Variants in STARD13 observed in about 807,000 individuals in gnomAD.
STARD13 encodes the protein stAR-related lipid transfer protein 13.
A neutral mutation model predicts 106.4 loss-of-function variants in STARD13; 62 were observed. That is an observed-to-expected ratio of 0.58 (90% confidence interval 0.48 to 0.72). The LOEUF is 0.72. Ranked by LOEUF, STARD13 falls within the 30% of genes least tolerant of loss-of-function variation. The probability of loss-of-function intolerance (pLI) is 0.00; values close to 1 mark genes in which losing one functional copy is unlikely to be tolerated. For missense variants in STARD13, 1,387 were observed against 1,424.0 expected (o/e 0.97, Z 0.42); for synonymous variants, 565 against 553.0 (o/e 1.02, Z -0.31).
Position 33,323,344 on chromosome 13 carries a change from G to A in STARD13, c.124+26946C>T, listed in dbSNP as rs577092922. The stretch of plus-strand genomic sequence containing the variant: ...CTACCCTCCAGAACTCAGCTCAAAC[G>A]CTATTCCTCAAGGAAGCATTCTCTA... On this transcript the variant is annotated intron_variant, in intron 1 of 5. Coordinates refer to the STARD13 transcript ENST00000567873. Among the ~76,000 whole-genome samples, 157 of 152,204 alleles carry A rather than the reference G, an allele frequency of 1.0e-3. 2 individuals are homozygous for A. Among genetic ancestry groups the A allele is most frequent in the African/African-American group, 3.7e-3 (153 of 41,526 alleles).
At chr13:33,270,324 A>G in intron 1 of STARD13, among the ~76,000 whole-genome samples, 1 of 152,188 alleles carries the variant, frequency 6.6e-6, no homozygotes. Flanking sequence ...TATTCAAGGA[A>G]GAGAAGCAAA....
At chr13:33,634,576 A>T in the STARD13 span, among the ~76,000 whole-genome samples, 153 of 152,318 alleles carry the variant, frequency 1.0e-3, 3 homozygotes, top group East Asian at 0.025. Context: ...TTTTGAAATC[A>T]AAATTCTCCT....
the STARD13 span, among the ~76,000 whole-genome samples, chr13:33,542,092 A>T: frequency 3.9e-5 from 6 of 152,246 alleles, no homozygotes; most frequent in Admixed American, 3.3e-4. Context: ...TAAAAAGTTT[A>T]AAAAACACGA....
intron 1 of STARD13, among the ~76,000 whole-genome samples, chr13:33,226,087 A>G (rs1219383602): frequency 1.3e-5 from 2 of 152,230 alleles, no homozygotes; most frequent in African/African-American, 4.8e-5. Flanking sequence ...GGCCATCTGC[A>G]AGCCAGGCAT....
intron 1 of STARD13, among the ~76,000 whole-genome samples, chr13:33,233,179 C>G (rs1451983756): frequency 6.6e-6 from 1 of 152,238 alleles, no homozygotes; most frequent in Non-Finnish European, 1.5e-5. Context: ...AGTCAAGCTA[C>G]AAGTTAAATC....
chr13:33,331,330 C>G (rs986971954), intron 1 of STARD13, among the ~76,000 whole-genome samples: 1 of 149,664 alleles, frequency 6.7e-6, no homozygotes, highest in Non-Finnish European at 1.5e-5. Flanking sequence ...TGATCTCTCC[C>G]TACATCTTCA....
chr13:33,260,306 C>T (rs1890578026), intron 1 of STARD13, among the ~76,000 whole-genome samples: 2 of 152,220 alleles, frequency 1.3e-5, no homozygotes, highest in South Asian at 2.1e-4. Flanking sequence ...ATCTTTCGCA[C>T]TTATTTGCAA....
At chr13:33,529,187 C>T in the STARD13 span, among the ~76,000 whole-genome samples, 1,508 of 152,110 alleles carry the variant, frequency 9.9e-3, 30 homozygotes, top group African/African-American at 0.034. Context: ...CAGACTAAGA[C>T]GAAAGTTAGT....
At chr13:33,595,336 A>G in the STARD13 span, among the ~76,000 whole-genome samples, 1 of 152,174 alleles carries the variant, frequency 6.6e-6, no homozygotes, top group South Asian at 2.1e-4. Context: ...CTAAGACCTA[A>G]CTATGTGGAT....
the STARD13 span, among the ~76,000 whole-genome samples, chr13:33,585,118 A>C: frequency 2.0e-5 from 3 of 152,270 alleles, no homozygotes; most frequent in Non-Finnish European, 4.4e-5. Context: ...AAGGAAAAGA[A>C]GACAAAATAA....
the STARD13 span, among the ~76,000 whole-genome samples, chr13:33,537,324 G>A: frequency 2.6e-5 from 4 of 152,212 alleles, no homozygotes; most frequent in Non-Finnish European, 5.9e-5. Context: ...CTGCTGCTAC[G>A]CAGACAAGTT....
the STARD13 span, among the ~76,000 whole-genome samples, chr13:33,644,733 GTCTGTGT>G: frequency 6.6e-6 from 1 of 152,138 alleles, no homozygotes; most frequent in African/African-American, 2.4e-5. Context: ...TTGTGGGTGA[GTCTGTGT>G]TCCAAAAAAG....
chr13:33,415,972 A>AT, the STARD13 span, among the ~76,000 whole-genome samples: 1 of 152,218 alleles, frequency 6.6e-6, no homozygotes, highest in East Asian at 1.9e-4. Flanking sequence ...TCTCCAGGAA[A>AT]TTTATCAGAA....
the STARD13 span, among the ~76,000 whole-genome samples, chr13:33,662,925 G>T: frequency 6.6e-6 from 1 of 152,174 alleles, no homozygotes; most frequent in Non-Finnish European, 1.5e-5. Context: ...GTTAAAATAA[G>T]ACACTGTTTT....
At chr13:33,422,156 G>C in the STARD13 span, among the ~76,000 whole-genome samples, 7 of 152,172 alleles carry the variant, frequency 4.6e-5, no homozygotes, top group African/African-American at 7.2e-5. Context: ...AAGTCAAACT[G>C]TGCCTGTTTG....
intron 1 of STARD13, among the ~76,000 whole-genome samples, chr13:33,337,365 A>T (rs2077908626): frequency 1.3e-5 from 2 of 152,042 alleles, no homozygotes; most frequent in Admixed American, 1.3e-4. Context: ...TAAGACATTT[A>T]AAAAAAAGAT....
intron 1 of STARD13, among the ~76,000 whole-genome samples, chr13:33,183,236 C>T (rs1885419427): frequency 6.6e-6 from 1 of 152,198 alleles, no homozygotes; most frequent in South Asian, 2.1e-4. Context: ...GCCTTATTTA[C>T]TCTTTGTACC....
chr13:33,493,637 A>G, the STARD13 span, among the ~76,000 whole-genome samples: 8 of 152,232 alleles, frequency 5.3e-5, no homozygotes, highest in Non-Finnish European at 1.2e-4. Flanking sequence ...CTTTCTGCTT[A>G]ATTTTTCTGT....
At chr13:33,480,089 A>G in the STARD13 span, among the ~76,000 whole-genome samples, 1 of 152,212 alleles carries the variant, frequency 6.6e-6, no homozygotes, top group Non-Finnish European at 1.5e-5. Context: ...ATAGTGTATT[A>G]TAGTTTAGGA....
Sources: allele counts gnomAD v4.1 joint callset (sites outside exome capture counted in the v4.1 genomes callset), GRCh38; gene constraint gnomAD v4.1.1; transcripts MANE v1.5; gene names NCBI Gene and HGNC (gene_info 2026-07-23, HGNC 2026-07-21).